Variants in MITF observed in about 807,000 individuals in gnomAD.
MITF encodes the protein microphthalmia-associated transcription factor.
In MITF, 17 loss-of-function variants were observed where a neutral mutation model predicts 60.5. The observed-to-expected ratio is 0.28, with a 90% CI of 0.19 to 0.42. The LOEUF is 0.42. MITF is among the 10% of genes least tolerant of loss of function. The probability of loss-of-function intolerance (pLI) is 1.00; values close to 1 mark genes in which losing one functional copy is unlikely to be tolerated. For synonymous variants in MITF, 260 were observed against 248.5 expected (o/e 1.05, Z -0.43); for missense variants, 622 against 683.5 (o/e 0.91, Z 1.00).
In MITF at chr3:69,817,371, G is replaced by A. The variant is rs999555588; in HGVS notation, c.105-61763G>A. On this transcript the variant is annotated intron_variant, in intron 1 of 9. Transcript: ENST00000352241. The stretch of plus-strand genomic sequence containing the variant: ...GATCAAATCTTAAAACCATGAGATA[G>A]CTTCTCATTAGTACTAGTGTACGTA... Among the ~76,000 whole-genome samples, 3 of 152,128 alleles carry A rather than the reference G, an allele frequency of 2.0e-5. No homozygotes were observed. In the East Asian group the frequency reaches 5.8e-4, roughly 29 times the overall value.
chr3:69,924,068 G>T (rs757801919), intron 2 of MITF, among the ~76,000 whole-genome samples: 3 of 152,012 alleles, frequency 2.0e-5, no homozygotes, highest in Non-Finnish European at 4.4e-5. Flanking sequence ...TGATTTTTTT[G>T]ATCTGAAAAG....
At chr3:69,896,870 C>T (rs568919986) in intron 2 of MITF, among the ~76,000 whole-genome samples, 22 of 152,276 alleles carry the variant, frequency 1.4e-4, no homozygotes, top group African/African-American at 5.3e-4. Context: ...ACCCTTCAAA[C>T]ATTGCAGTTC....
intron 1 of MITF, 26 bp downstream of exon 1, chr3:69,739,727 C>G (rs1431677553): frequency 2.6e-6 from 4 of 1,522,762 alleles, no homozygotes; most frequent in Admixed American, 3.9e-5. Flanking sequence ...TGGGCAGAGG[C>G]GCACCGGGCG....
intron 2 of MITF, among the ~76,000 whole-genome samples, chr3:69,919,583 C>CT (rs1460915958): frequency 6.6e-6 from 1 of 152,082 alleles, no homozygotes; most frequent in Admixed American, 6.6e-5. Context: ...CCTTCTAACT[C>CT]TTTATTATGG....
At chr3:69,930,440 G>T (rs1009940665) in intron 2 of MITF, among the ~76,000 whole-genome samples, 5 of 152,162 alleles carry the variant, frequency 3.3e-5, no homozygotes, top group Non-Finnish European at 4.4e-5. Flanking sequence ...AGCAACCAAG[G>T]CTTGTTCACA....
intron 7 of MITF, among the ~76,000 whole-genome samples, chr3:69,952,464 CAT>C (rs2066281220): frequency 6.6e-6 from 1 of 152,078 alleles, no homozygotes; most frequent in Non-Finnish European, 1.5e-5. Flanking sequence ...TTAATATAAA[CAT>C]GTAAGACAAG....
chr3:69,748,406 A>AT (rs1284117541), intron 1 of MITF, among the ~76,000 whole-genome samples: 1 of 151,960 alleles, frequency 6.6e-6, no homozygotes, highest in East Asian at 1.9e-4. Context: ...TGCTTGACTA[A>AT]TTTTTTGTAT....
chr3:69,961,634 T>C (rs1337514579), intron 9 of MITF, among the ~76,000 whole-genome samples: 1 of 150,754 alleles, frequency 6.6e-6, no homozygotes, highest in Non-Finnish European at 1.5e-5. Flanking sequence ...CTCATGAGGC[T>C]GAGGCAGGAG....
intron 1 of MITF, among the ~76,000 whole-genome samples, chr3:69,876,235 G>A (rs1227155853): frequency 2.0e-5 from 3 of 152,144 alleles, no homozygotes. Context: ...CACAGCCAAT[G>A]ACTCGTCTTG....
rs888398768 is a variant in MITF at position 69,964,220 on chromosome 3, C to T, written c.1180-627C>T. Among the ~76,000 whole-genome samples, 5 of 151,790 alleles carry T rather than the reference C, an allele frequency of 3.3e-5. No homozygotes were observed. The South Asian group carries it at 6.2e-4, about 19-fold the overall frequency. On this transcript the variant is annotated intron_variant, in intron 9 of 9. Transcript: ENST00000352241. Reference sequence around the variant, plus strand: ...CTCAAACTCCTGACCTCAGGTGATCCGCCCCCCTCGGCCTCCCAAATAATA... The same window carrying T: ...CTCAAACTCCTGACCTCAGGTGATCTGCCCCCCTCGGCCTCCCAAATAATA...
At chr3:69,825,832 T>C (rs1395211558) in intron 1 of MITF, among the ~76,000 whole-genome samples, 2 of 152,156 alleles carry the variant, frequency 1.3e-5, no homozygotes, top group Non-Finnish European at 2.9e-5. Context: ...AACACAAAAA[T>C]ATAGCAAAAC....
chr3:69,833,399 T>C (rs982798612), intron 1 of MITF, among the ~76,000 whole-genome samples: 3 of 152,248 alleles, frequency 2.0e-5, no homozygotes, highest in African/African-American at 7.2e-5. Flanking sequence ...CTGTTTACAC[T>C]GTATGTGGTG....
At chr3:69,765,696 G>C (rs1402850461) in intron 1 of MITF, among the ~76,000 whole-genome samples, 1 of 152,178 alleles carries the variant, frequency 6.6e-6, no homozygotes, top group Non-Finnish European at 1.5e-5. Flanking sequence ...ACTGTTAGTA[G>C]TTAAGGTTTG....
chr3:69,952,218 T>C (rs1195671466), intron 7 of MITF, among the ~76,000 whole-genome samples: 5 of 152,078 alleles, frequency 3.3e-5, no homozygotes, highest in African/African-American at 1.2e-4. Flanking sequence ...TTGCTCACAC[T>C]GGAACTTATT....
chr3:69,773,423 G>T (rs1302538005), intron 1 of MITF, among the ~76,000 whole-genome samples: 1 of 152,236 alleles, frequency 6.6e-6, no homozygotes, highest in African/African-American at 2.4e-5. Context: ...AGCCCAGTGT[G>T]GTGGGGGAAA....
intron 1 of MITF, among the ~76,000 whole-genome samples, chr3:69,780,767 A>G (rs1212524719): frequency 2.6e-5 from 4 of 152,240 alleles, no homozygotes; most frequent in Non-Finnish European, 4.4e-5. Context: ...TCAACAGGGA[A>G]TAAATAGAAG....
At chr3:69,947,590 C>A (rs1448769719) in intron 5 of MITF, among the ~76,000 whole-genome samples, 1 of 152,122 alleles carries the variant, frequency 6.6e-6, no homozygotes, top group Non-Finnish European at 1.5e-5. Context: ...ACCACGATGT[C>A]TATTTTTGTG....
At chr3:69,959,660 C>G (rs1285227232) in intron 9 of MITF, among the ~76,000 whole-genome samples, 1 of 152,176 alleles carries the variant, frequency 6.6e-6, no homozygotes, top group African/African-American at 2.4e-5. Context: ...GCCCATGGCA[C>G]GCATTTCCAG....
At chr3:69,895,808 TTGTGTGTGTGTG>T (rs35088149) in intron 2 of MITF, among the ~76,000 whole-genome samples, 12 of 140,146 alleles carry the variant, frequency 8.6e-5, no homozygotes, top group South Asian at 4.7e-4. Flanking sequence ...TGTGGAGTGT[TTGTGTGTGTGTG>T]TGTGTGTGTG....
Sources: gnomAD v4.1 joint callset for allele counts (sites outside exome capture counted in the v4.1 genomes callset) on GRCh38, gnomAD v4.1.1 for gene constraint, MANE v1.5 for transcripts, NCBI Gene and HGNC (gene_info 2026-07-23, HGNC 2026-07-21) for gene names.